The following FAM200C variants were observed in gnomAD, a reference collection of about 807,000 sequenced individuals.
chr5:160,397,483 A>G, the FAM200C span: 1 of 152,358 alleles, frequency 6.6e-6, no homozygotes, highest in African/African-American at 2.4e-5. Flanking sequence ...AGTGATCCCC[A>G]AAGTTTCCAA....
the FAM200C span, chr5:160,397,442 C>T: frequency 6.6e-6 from 1 of 152,172 alleles, no homozygotes; most frequent in Non-Finnish European, 1.5e-5. Flanking sequence ...TCAAATATAC[C>T]TTAGAAAACA....
chr5:160,398,073 C>G, the FAM200C span, among the ~76,000 whole-genome samples: 1,260 of 152,250 alleles, frequency 8.3e-3, 11 homozygotes, highest in Non-Finnish European at 0.011. Flanking sequence ...GAAACTCTGT[C>G]TCTACTAAAA....
At chr5:160,395,621 T>A in the FAM200C span, 1 of 750,066 alleles carries the variant, frequency 1.3e-6, no homozygotes, top group African/African-American at 1.8e-5. Flanking sequence ...TGCTATCTTG[T>A]ATATGTCAAG....
chr5:160,395,237 G>T, the FAM200C span: 2 of 1,613,936 alleles, frequency 1.2e-6, no homozygotes, highest in South Asian at 2.2e-5. Flanking sequence ...CTCATGAGAT[G>T]CAACTCCAAA....
the FAM200C span, chr5:160,394,939 G>C: frequency 6.2e-7 from 1 of 1,613,386 alleles, no homozygotes. Context: ...GCTGACTGCA[G>C]TCATCCATGT....
At chr5:160,396,860 G>A in the FAM200C span, among the ~76,000 whole-genome samples, 1 of 152,156 alleles carries the variant, frequency 6.6e-6, no homozygotes, top group African/African-American at 2.4e-5. Flanking sequence ...AGGGAAAGCA[G>A]TCAAGAACAC....
At chr5:160,393,678 A>C in the FAM200C span, 3 of 1,410,034 alleles carry the variant, frequency 2.1e-6, no homozygotes, top group South Asian at 3.9e-5. Context: ...ATTAAGATTG[A>C]AATTATTCAT....
the FAM200C span, chr5:160,394,171 G>A: frequency 6.2e-7 from 1 of 1,610,590 alleles, no homozygotes; most frequent in African/African-American, 1.3e-5. Flanking sequence ...CAATGAATAT[G>A]CCTTCATTAT....
chr5:160,394,116 G>A, the FAM200C span: 1 of 1,613,518 alleles, frequency 6.2e-7, no homozygotes, highest in Non-Finnish European at 8.5e-7. Context: ...AAATATCCAT[G>A]GAAGAAGTTG....
the FAM200C span, chr5:160,395,218 T>A: frequency 6.2e-7 from 1 of 1,613,868 alleles, no homozygotes; most frequent in South Asian, 1.1e-5. Flanking sequence ...ATGCTTGTAA[T>A]AAAGTATCCT....
At chr5:160,394,910 T>G in the FAM200C span, 1 of 1,613,066 alleles carries the variant, frequency 6.2e-7, no homozygotes, top group Admixed American at 1.7e-5. Flanking sequence ...TTCTTTTATA[T>G]AGCGCACAAA....
the FAM200C span, among the ~76,000 whole-genome samples, chr5:160,396,013 A>G: frequency 6.6e-6 from 1 of 152,154 alleles, no homozygotes; most frequent in African/African-American, 2.4e-5. Flanking sequence ...ATAATTGTAT[A>G]CATTTATGGG....
chr5:160,397,783 G>C, the FAM200C span, among the ~76,000 whole-genome samples: 2 of 152,188 alleles, frequency 1.3e-5, no homozygotes, highest in South Asian at 4.1e-4. Context: ...CAAGTAATGA[G>C]ACTACATGAC....
At chr5:160,394,109 T>C in the FAM200C span, 184 of 1,613,532 alleles carry the variant, frequency 1.1e-4, no homozygotes, top group Admixed American at 2.5e-4. Flanking sequence ...AATGGAAAAA[T>C]ATCCATGGAA....
the FAM200C span, among the ~76,000 whole-genome samples, chr5:160,399,429 T>C: frequency 6.6e-6 from 1 of 152,238 alleles, no homozygotes; most frequent in African/African-American, 2.4e-5. Context: ...CCACTGCGTA[T>C]GCAAGATCAT....
the FAM200C span, chr5:160,393,759 GAGGA>G: frequency 6.4e-7 from 1 of 1,557,680 alleles, no homozygotes; most frequent in South Asian, 1.2e-5. Context: ...TCCGAGAAAC[GAGGA>G]ACTTTTTTTG....
chr5:160,394,444 T>A, the FAM200C span: 6 of 1,613,756 alleles, frequency 3.7e-6, no homozygotes, highest in Middle Eastern at 1.6e-4. Context: ...ACTGATTTAT[T>A]TCTTCATACA....
At chr5:160,393,996 G>C in the FAM200C span, 4 of 1,613,410 alleles carry the variant, frequency 2.5e-6, no homozygotes, top group Non-Finnish European at 3.4e-6. Flanking sequence ...CCACTAGCTC[G>C]TAATTCAGCA....
At chr5:160,394,446 C>T in the FAM200C span, 3 of 1,613,772 alleles carry the variant, frequency 1.9e-6, no homozygotes, top group Admixed American at 1.7e-5. Flanking sequence ...TGATTTATTT[C>T]TTCATACATT....
Sources: gnomAD v4.1 joint callset for allele counts (sites outside exome capture counted in the v4.1 genomes callset) on GRCh38, gnomAD v4.1.1 for gene constraint, MANE v1.5 for transcripts.